TMEM184B: variants seen among roughly 807,000 people sequenced by gnomAD.
The protein encoded by TMEM184B is transmembrane protein 184B.
In TMEM184B, 17 loss-of-function variants were observed where a neutral mutation model predicts 41.8. The observed-to-expected ratio is 0.41, with a 90% confidence interval of 0.28 to 0.61. TMEM184B has a LOEUF of 0.61. TMEM184B is among the 20% of genes least tolerant of loss of function. TMEM184B has a pLI of 0.34. For synonymous variants in TMEM184B, 240 were observed against 229.5 expected (o/e 1.05, Z -0.41); for missense variants, 393 against 557.8 (o/e 0.70, Z 2.98).
intron 1 of TMEM184B, among the ~76,000 whole-genome samples, chr22:38,259,498 G>A (rs186836271): frequency 7.9e-5 from 12 of 152,316 alleles, no homozygotes; most frequent in East Asian, 1.9e-4. Context: ...AGAGGGCAGC[G>A]TGACAAAGGA....
chr22:38,237,997 T>C (rs567317787), intron 3 of TMEM184B, among the ~76,000 whole-genome samples: 1 of 151,660 alleles, frequency 6.6e-6, no homozygotes, highest in East Asian at 2.0e-4. Flanking sequence ...ATGGGGTTTC[T>C]CCATGTTGGC....
In TMEM184B at chr22:38,272,864, A is replaced by G; in HGVS notation, c.-59+20T>C. ...AGCTCCCCCTTGGGGCTCCCGGGCG[A>G]GGCCGGCCAGGCGGGATACCTCAGG... On this transcript the variant is annotated intron_variant, in intron 1 of 8. Transcript: ENST00000361906. 2 of 939,846 alleles carry G rather than the reference A, an allele frequency of 2.1e-6. No homozygotes were observed. The highest frequency in any genetic ancestry group is 2.5e-6 in the Non-Finnish European group (2 of 791,566). The allele number at this position is 939,846 out of a possible 1,614,324, so 58.2% of individuals were successfully genotyped here.
chr22:38,218,880 C>T (rs560036736), downstream of TMEM184B, among the ~76,000 whole-genome samples: 16 of 152,290 alleles, frequency 1.1e-4, no homozygotes, highest in Non-Finnish European at 2.1e-4. Context: ...CAGCCAGCGG[C>T]CCCCTGCCCC....
chr22:38,251,782 G>A (rs895628623), intron 1 of TMEM184B, among the ~76,000 whole-genome samples: 1 of 152,190 alleles, frequency 6.6e-6, no homozygotes, highest in African/African-American at 2.4e-5. Context: ...ACTCCCGTGG[G>A]GAAAGGGGTG....
At position 38,225,138 on chromosome 22, in the gene TMEM184B, CT is replaced by C. The variant is rs1285871922; in HGVS notation, c.788-160del. Among the ~76,000 whole-genome samples the C allele has an allele frequency of 6.6e-6, 1 of 152,210 alleles. No homozygotes were observed. The highest frequency in any genetic ancestry group is 1.5e-5 in the Non-Finnish European group (1 of 68,036). ...AGGGGTAGCGACACAAGGCCACAGC[CT>C]CCGGAAACCCCACTCTCCCAGCTCT... On this transcript the variant is annotated intron_variant, in intron 7 of 8. Coordinates refer to ENST00000361906, the MANE Select transcript of TMEM184B (RefSeq NM_012264.5). This position sits in a 1 kb window ranked among gnomAD's most constrained non-coding sequence, Gnocchi z 4.4.
At position 38,245,891 on chromosome 22, in the gene TMEM184B, C is replaced by A. The variant is rs558515474; in HGVS notation, c.358+44G>T. 3.7e-4 allele frequency: 407 copies of A among 1,095,812 alleles called. 2 individuals are homozygous for A. The African/African-American group carries it at 5.2e-3, about 14-fold the overall frequency. 67.9% of individuals were successfully genotyped at this position (1,095,812 alleles called of 1,614,324 possible). A position where few individuals can be genotyped will look rare whatever the true frequency, so the allele number is the denominator to read the frequency against. On this transcript the variant is annotated intron_variant, in intron 3 of 8. Coordinates refer to ENST00000361906, the MANE Select transcript of TMEM184B (RefSeq NM_012264.5). ...AATGTGGGGACAGGGGCTCCCAGCC[C>A]CCCAGCCCCCCGCCAGCCCTCCCCA... is the stretch of plus-strand genomic sequence containing the variant.
intron 3 of TMEM184B, among the ~76,000 whole-genome samples, chr22:38,242,820 T>C (rs2091941890): frequency 1.3e-5 from 2 of 152,042 alleles, no homozygotes; most frequent in South Asian, 4.2e-4. Context: ...TCCCACCACT[T>C]TGGGAGGCCA....
At position 38,245,932 on chromosome 22, in the gene TMEM184B, C is replaced by T. The variant is rs1479900162; in HGVS notation, c.358+3G>A. Reference sequence around the variant, plus strand: ...GCCCTCCCCACTCCGTCCCCATCCTCACCCTCATAGCAGTCGCGGACGGTG... The same window carrying T: ...GCCCTCCCCACTCCGTCCCCATCCTTACCCTCATAGCAGTCGCGGACGGTG... On this transcript the variant is annotated splice_donor_region_variant and intron_variant, in intron 3 of 8. Transcript: ENST00000361906. The T allele has an allele frequency of 6.7e-7, 1 of 1,495,416 alleles. No individual in the cohort carries two copies. The highest frequency in any genetic ancestry group is 9.1e-7 in the Non-Finnish European group (1 of 1,103,586). 92.6% of individuals were successfully genotyped at this position (1,495,416 alleles called of 1,614,324 possible).
chr22:38,235,026 A>G (rs185211787), intron 3 of TMEM184B, among the ~76,000 whole-genome samples: 1 of 151,982 alleles, frequency 6.6e-6, no homozygotes, highest in Non-Finnish European at 1.5e-5. Context: ...CAGACTGTAA[A>G]CTCCTTGCAG....
chr22:38,243,739 A>G (rs1409420127), intron 3 of TMEM184B, among the ~76,000 whole-genome samples: 3 of 152,108 alleles, frequency 2.0e-5, no homozygotes, highest in Non-Finnish European at 4.4e-5. Context: ...GAGGCCCCAC[A>G]TGGAGGAATG....
chr22:38,231,353 G>A lies in TMEM184B; in HGVS notation c.359-19C>T, dbSNP rs2091614062. ...ACCAAGGCTGCGAAGAGAGTGTCCA[G>A]GAGAAACCAGTCAAATCAGCAGAAT... is the stretch of plus-strand genomic sequence containing the variant. On this transcript the variant is annotated intron_variant, in intron 3 of 8. Coordinates refer to ENST00000361906, the MANE Select transcript of TMEM184B (RefSeq NM_012264.5). 1 of 1,601,804 alleles carries A rather than the reference G, an allele frequency of 6.2e-7. No homozygotes were observed. The highest frequency in any genetic ancestry group is 8.6e-7 in the Non-Finnish European group (1 of 1,168,682).
Position 38,225,373 on chromosome 22 carries a change from G to A in TMEM184B, c.787+51C>T, listed in dbSNP as rs180776384. 84 of 1,508,198 alleles carry A rather than the reference G, an allele frequency of 5.6e-5. No homozygotes were observed. The East Asian group carries it at 1.4e-3, about 26-fold the overall frequency. The allele number at this position is 1,508,198 out of a possible 1,614,324, so 93.4% of individuals were successfully genotyped here. ...ATAAGCAGAAGGGGCAGCAGGAAGC[G>A]CAGAGGACAGGGTGGCATGGGCAGC... On this transcript the variant is annotated intron_variant, in intron 7 of 8. Transcript: ENST00000361906. The surrounding 1 kb of genome is among the most constrained non-coding windows in gnomAD (Gnocchi z 4.4).
intron 3 of TMEM184B, among the ~76,000 whole-genome samples, chr22:38,238,467 G>A (rs571258347): frequency 3.3e-5 from 5 of 151,796 alleles, no homozygotes; most frequent in East Asian, 2.0e-4. Context: ...CTCACAATCC[G>A]CCCACCTTGG....
intron 1 of TMEM184B, among the ~76,000 whole-genome samples, chr22:38,257,164 AG>A (rs1282382172): frequency 2.0e-5 from 3 of 151,984 alleles, no homozygotes; most frequent in African/African-American, 2.4e-5. Context: ...GACTTTAAAA[AG>A]AAAAAAAAAA....
At chr22:38,251,775 C>T (rs1042727089) in intron 1 of TMEM184B, among the ~76,000 whole-genome samples, 1 of 152,196 alleles carries the variant, frequency 6.6e-6, no homozygotes, top group South Asian at 2.1e-4. Flanking sequence ...CCTCTTTACT[C>T]CCGTGGGGAA....
chr22:38,249,298 G>A (rs150830070), intron 1 of TMEM184B, among the ~76,000 whole-genome samples: 8 of 152,234 alleles, frequency 5.3e-5, no homozygotes, highest in South Asian at 2.1e-4. Context: ...ACAGGCGTGC[G>A]TCATCAAGCC....
Position 38,261,863 on chromosome 22 carries a change from A to T in TMEM184B, c.-59+11021T>A, listed in dbSNP as rs548900540. 2.0e-5 allele frequency among the ~76,000 whole-genome samples: 3 copies of T among 152,370 alleles called. No homozygotes were observed. In the South Asian group the frequency reaches 6.2e-4, roughly 32 times the overall value. ...ATCAAGAAGCCTGGCTCCAGCCAGGACACCCTAGATTTCTCATACCAACCT... is the reference window on the plus strand; with the variant it reads ...ATCAAGAAGCCTGGCTCCAGCCAGGTCACCCTAGATTTCTCATACCAACCT... On this transcript the variant is annotated intron_variant, in intron 1 of 8. Coordinates refer to ENST00000361906, the MANE Select transcript of TMEM184B (RefSeq NM_012264.5).
intron 8 of TMEM184B, chr22:38,223,227 G>C (rs2091313691): frequency 6.6e-6 from 1 of 152,582 alleles, no homozygotes; most frequent in Admixed American, 6.5e-5. Flanking sequence ...GGTATGTCTA[G>C]AGGGACAGCT....
intron 3 of TMEM184B, among the ~76,000 whole-genome samples, chr22:38,233,020 G>A (rs538404455): frequency 1.8e-4 from 28 of 152,216 alleles, no homozygotes; most frequent in African/African-American, 5.5e-4. Context: ...TCCCCCTCTC[G>A]CCTTCCTCAG....
Sources: allele counts gnomAD v4.1 joint callset (sites outside exome capture counted in the v4.1 genomes callset), GRCh38; gene constraint gnomAD v4.1.1; non-coding constraint Gnocchi (gnomAD v3.1); transcripts MANE v1.5; gene names NCBI Gene and HGNC (gene_info 2026-07-23, HGNC 2026-07-21).